Variants in CORO2B observed in about 807,000 individuals in gnomAD.
The protein encoded by CORO2B is coronin-2B.
In CORO2B, 26 loss-of-function variants were observed where a neutral mutation model predicts 58.8. That is an observed-to-expected ratio of 0.44 (90% CI 0.32 to 0.61). The LOEUF (loss-of-function observed/expected upper bound fraction) is 0.61, where lower values mean the gene tolerates loss of function less well. Among genes scored for constraint, CORO2B ranks in the 20% least tolerant of loss-of-function variants. The probability of loss-of-function intolerance (pLI) is 0.04; values close to 1 mark genes in which losing one functional copy is unlikely to be tolerated. For synonymous variants in CORO2B, 242 were observed against 253.8 expected (o/e 0.95, Z 0.44); for missense variants, 460 against 645.1 (o/e 0.71, Z 3.11).
At chr15:68,684,277 A>G (rs770150408) in intron 2 of CORO2B, among the ~76,000 whole-genome samples, 22 of 152,212 alleles carry the variant, frequency 1.4e-4, no homozygotes, top group Non-Finnish European at 2.8e-4. Flanking sequence ...CAATATGTAC[A>G]TAGATGACCC....
the CORO2B span, among the ~76,000 whole-genome samples, chr15:68,528,689 G>GTT: frequency 4.2e-3 from 495 of 117,992 alleles, 2 homozygotes; most frequent in African/African-American, 0.014. Context: ...TTTTCTGAGT[G>GTT]TTTTTTTTTT....
the CORO2B span, among the ~76,000 whole-genome samples, chr15:68,551,690 G>T: frequency 6.6e-6 from 1 of 152,194 alleles, no homozygotes; most frequent in Non-Finnish European, 1.5e-5. Flanking sequence ...ATGGACAAAG[G>T]CCTGGCGCCT....
chr15:68,719,245 G>C lies in CORO2B; in HGVS notation c.1171+11G>C. The C allele has an allele frequency of 1.9e-6, 3 of 1,612,634 alleles. No individual in the cohort carries two copies. Among genetic ancestry groups the C allele is most frequent in the Non-Finnish European group, 2.5e-6 (3 of 1,179,122 alleles). ...GAGGCATCAACCGAGGTACCACAGC[G>C]GGGGGCTCCACAGAGCACAGGCGGC... On this transcript the variant is annotated intron_variant, in intron 10 of 11. Transcript: ENST00000261861.
At position 68,628,865 on chromosome 15, in the gene CORO2B, A is replaced by C. The variant is rs112940943; in HGVS notation, c.16-16295A>C. On this transcript the variant is annotated intron_variant, in intron 1 of 11. Transcript: ENST00000261861. The stretch of plus-strand genomic sequence containing the variant: ...TACAAGAGGCTTTCTGCTGAGAGGG[A>C]TGCCCTCAGTTTCCCATGTGATGTG... Among the ~76,000 whole-genome samples, 354 of 152,290 alleles carry C rather than the reference A, an allele frequency of 2.3e-3. 1 individual carries two copies. Among genetic ancestry groups the C allele is most frequent in the African/African-American group, 8.3e-3 (344 of 41,544 alleles).
At chr15:68,680,848 C>T (rs1567006847) in intron 2 of CORO2B, among the ~76,000 whole-genome samples, 1 of 152,168 alleles carries the variant, frequency 6.6e-6, no homozygotes, top group East Asian at 1.9e-4. Context: ...TCAGGTCTGA[C>T]CCATGGGAAG....
chr15:68,630,160 C>T (rs1900788358), intron 1 of CORO2B, among the ~76,000 whole-genome samples: 1 of 152,164 alleles, frequency 6.6e-6, no homozygotes, highest in Admixed American at 6.5e-5. Context: ...TGACAGCATT[C>T]AGTTGAATAA....
intron 2 of CORO2B, among the ~76,000 whole-genome samples, chr15:68,656,329 C>G (rs976324323): frequency 2.6e-5 from 4 of 151,960 alleles, no homozygotes; most frequent in African/African-American, 4.8e-5. Flanking sequence ...TTGTCTCCCC[C>G]CTTTCCATTC....
intron 1 of CORO2B, among the ~76,000 whole-genome samples, chr15:68,594,127 T>A (rs1286896505): frequency 6.6e-6 from 1 of 151,208 alleles, no homozygotes; most frequent in Non-Finnish European, 1.5e-5. Context: ...ACAAAAGGGG[T>A]GTTTGGGGGA....
At chr15:68,582,657 A>G (rs140661851) in intron 1 of CORO2B, among the ~76,000 whole-genome samples, 1 of 152,338 alleles carries the variant, frequency 6.6e-6, no homozygotes, top group East Asian at 1.9e-4. Context: ...AGTCGTGTGT[A>G]AAGTACAAGT....
chr15:68,687,058 G>A (rs1903007510), intron 2 of CORO2B, among the ~76,000 whole-genome samples: 1 of 152,254 alleles, frequency 6.6e-6, no homozygotes, highest in African/African-American at 2.4e-5. Flanking sequence ...ACTCAATATG[G>A]ATTCCTGTGT....
intron 1 of CORO2B, among the ~76,000 whole-genome samples, chr15:68,641,784 G>C (rs1014251659): frequency 6.6e-6 from 1 of 152,034 alleles, no homozygotes; most frequent in African/African-American, 2.4e-5. Context: ...TAGTGCAGTG[G>C]TGCGACTCAG....
chr15:68,654,439 T>C (rs1901739162), intron 2 of CORO2B, among the ~76,000 whole-genome samples: 1 of 152,224 alleles, frequency 6.6e-6, no homozygotes, highest in African/African-American at 2.4e-5. Context: ...GCTGGTTCAC[T>C]AGGACTCTGT....
In CORO2B at chr15:68,710,947, C is replaced by G. The variant is rs200563183; in HGVS notation, c.483+66C>G. Reference sequence around the variant, plus strand: ...AAGAGAAAGGGGCCTTTTGGGTACCCGTAGGAAGCACTGTTGCTTCCTAAG... The same window carrying G: ...AAGAGAAAGGGGCCTTTTGGGTACCGGTAGGAAGCACTGTTGCTTCCTAAG... On this transcript the variant is annotated intron_variant, in intron 4 of 11. Transcript: ENST00000261861. This position sits in a 1 kb window ranked among gnomAD's most constrained non-coding sequence, Gnocchi z 4.1. 2.0e-6 allele frequency: 3 copies of G among 1,484,422 alleles called. No homozygotes were observed. Among genetic ancestry groups the G allele is most frequent in the Middle Eastern group, 1.8e-4 (1 of 5,618 alleles). The allele number at this position is 1,484,422 out of a possible 1,614,324, so 92.0% of individuals were successfully genotyped here. A position where few individuals can be genotyped will look rare whatever the true frequency, so the allele number is the denominator to read the frequency against.
At chr15:68,633,062 G>A (rs1265989814) in intron 1 of CORO2B, among the ~76,000 whole-genome samples, 3 of 152,152 alleles carry the variant, frequency 2.0e-5, no homozygotes, top group Admixed American at 6.6e-5. Context: ...CCAACTAGTG[G>A]TGCAATGTAG....
rs1203673808 is a variant in CORO2B at position 68,648,404 on chromosome 15, T to C, written c.216+3044T>C. On this transcript the variant is annotated intron_variant, in intron 2 of 11. Transcript: ENST00000261861. Reference sequence around the variant, plus strand: ...GCTCACGCCTGTAATCCCAGCACTTTGGGAGGCAGAGGCGGGTGGATCACA... The same window carrying C: ...GCTCACGCCTGTAATCCCAGCACTTCGGGAGGCAGAGGCGGGTGGATCACA... Among the ~76,000 whole-genome samples the C allele has an allele frequency of 6.6e-5, 10 of 151,182 alleles. No individual in the cohort carries two copies. The East Asian group carries it at 2.0e-3, about 29-fold the overall frequency.
the CORO2B span, among the ~76,000 whole-genome samples, chr15:68,534,840 G>T: frequency 1.3e-5 from 2 of 152,332 alleles, no homozygotes; most frequent in Admixed American, 6.5e-5. Flanking sequence ...CCTCACAATC[G>T]TGGCGGAAGG....
intron 2 of CORO2B, among the ~76,000 whole-genome samples, chr15:68,669,829 G>C (rs1016192444): frequency 2.6e-5 from 4 of 152,092 alleles, no homozygotes; most frequent in African/African-American, 9.7e-5. Flanking sequence ...GGCCAAGGTG[G>C]GTGGATCACT....
the CORO2B span, among the ~76,000 whole-genome samples, chr15:68,529,975 A>G: frequency 6.6e-6 from 1 of 152,070 alleles, no homozygotes; most frequent in South Asian, 2.1e-4. Flanking sequence ...TCTGTTGTTG[A>G]TTTGTGTTTT....
the CORO2B span, among the ~76,000 whole-genome samples, chr15:68,554,842 C>T: frequency 0.012 from 1,806 of 152,260 alleles, 67 homozygotes; most frequent in Admixed American, 0.08. Flanking sequence ...GAAGAGGCCC[C>T]CAGGGTGTGG....
Sources: gnomAD v4.1 joint callset for allele counts (sites outside exome capture counted in the v4.1 genomes callset) on GRCh38, gnomAD v4.1.1 for gene constraint, Gnocchi (gnomAD v3.1) non-coding constraint, MANE v1.5 for transcripts, NCBI Gene and HGNC (gene_info 2026-07-23, HGNC 2026-07-21) for gene names.